FTO: variants seen among roughly 807,000 people sequenced by gnomAD.
The protein encoded by FTO is alpha-ketoglutarate-dependent dioxygenase FTO.
In FTO, 47 loss-of-function variants were observed where a neutral mutation model predicts 63.9. The ratio of observed to expected loss-of-function variants is 0.74; its 90% CI spans 0.58 to 0.94. FTO has a LOEUF of 0.94. Ranked by LOEUF, FTO falls within the 40% of genes least tolerant of loss-of-function variation. The pLI, the probability that FTO is intolerant of heterozygous loss-of-function variation, is 0.00. For missense variants in FTO, 562 were observed against 618.1 expected (o/e 0.91, Z 0.96); for synonymous variants, 207 against 224.4 (o/e 0.92, Z 0.69).
Position 54,112,512 on chromosome 16 carries a change from G to C in FTO, c.*597G>C, listed in dbSNP as rs2665269. 1 of 152,704 alleles carries C rather than the reference G, an allele frequency of 6.5e-6. No homozygotes were observed. The highest frequency in any genetic ancestry group is 6.5e-5 in the Admixed American group (1 of 15,358). 9.5% of individuals were successfully genotyped at this position (152,704 alleles called of 1,614,324 possible). ...ACAGATATGGAACATTTTCATCATC[G>C]AAGAAAGTCCTATTGGACAACACTT... On this transcript the variant is annotated 3_prime_UTR_variant, in exon 9 of 9. Coordinates refer to ENST00000471389, the MANE Select transcript of FTO (RefSeq NM_001080432.3).
rs1303665298 is a variant in FTO, at chr16:54,074,948, G to GTA, written c.1365-36813_1365-36812insAT. On this transcript the variant is annotated intron_variant, in intron 8 of 8. Coordinates refer to ENST00000471389, the MANE Select transcript of FTO (RefSeq NM_001080432.3). Reference sequence around the variant, plus strand: ...TGTGTGTGTGTGTGTGTGTGTGTGTGTGTGTGTAAACTGTTTTAGTTTGAT... The same window carrying GTA: ...TGTGTGTGTGTGTGTGTGTGTGTGTGTATGTGTGTAAACTGTTTTAGTTTGAT... Among the ~76,000 whole-genome samples the GTA allele has an allele frequency of 1.1e-3, 162 of 151,182 alleles. No individual in the cohort carries two copies. In the East Asian group the frequency reaches 0.018, roughly 17 times the overall value.
chr16:54,039,882 T>C (rs1228834568), intron 8 of FTO: 3 of 152,244 alleles, frequency 2.0e-5, no homozygotes, highest in Non-Finnish European at 2.9e-5. Context: ...ATCTGCCTGT[T>C]CTAATTTCAA....
chr16:53,804,708 C>T (rs1343773811), intron 1 of FTO, among the ~76,000 whole-genome samples: 2 of 149,758 alleles, frequency 1.3e-5, no homozygotes, highest in Non-Finnish European at 3.0e-5. Context: ...CTCCATCTGC[C>T]AGGTTCAAGC....
chr16:54,055,210 T>C (rs2085403830), intron 8 of FTO, among the ~76,000 whole-genome samples: 1 of 152,180 alleles, frequency 6.6e-6, no homozygotes, highest in Admixed American at 6.5e-5. Context: ...TCAGTCTTGC[T>C]CTGTTTGGAG....
chr16:53,704,447 A>C (rs976536911), intron 1 of FTO, among the ~76,000 whole-genome samples: 3 of 152,210 alleles, frequency 2.0e-5, no homozygotes, highest in Non-Finnish European at 2.9e-5. Flanking sequence ...AAAAATGAGA[A>C]GCAAGATACC....
At chr16:53,908,859 G>A (rs2081607589) in intron 7 of FTO, among the ~76,000 whole-genome samples, 1 of 152,214 alleles carries the variant, frequency 6.6e-6, no homozygotes, top group Non-Finnish European at 1.5e-5. Context: ...TTGTCCTGAT[G>A]AGAATGTAAA....
chr16:53,864,258 C>G (rs2080248705), intron 4 of FTO, among the ~76,000 whole-genome samples: 1 of 152,130 alleles, frequency 6.6e-6, no homozygotes, highest in Non-Finnish European at 1.5e-5. Flanking sequence ...CCAAGAGTGC[C>G]TTTAGCAAAA....
At chr16:53,917,239 A>G (rs2081892626) in intron 7 of FTO, among the ~76,000 whole-genome samples, 1 of 152,204 alleles carries the variant, frequency 6.6e-6, no homozygotes, top group South Asian at 2.1e-4. Flanking sequence ...TAAAGGGAAT[A>G]CATGAGATGC....
At chr16:53,923,379 T>C (rs945037936) in intron 7 of FTO, among the ~76,000 whole-genome samples, 2 of 152,224 alleles carry the variant, frequency 1.3e-5, no homozygotes, top group African/African-American at 4.8e-5. Context: ...ACTAGCTCTT[T>C]CCTGTACATT....
intron 4 of FTO, among the ~76,000 whole-genome samples, chr16:53,864,917 G>C (rs1181402367): frequency 6.6e-6 from 1 of 152,228 alleles, no homozygotes; most frequent in African/African-American, 2.4e-5. Flanking sequence ...AATTTCAAAA[G>C]AATTGTTTGA....
At chr16:54,014,149 C>T (rs2084385059) in intron 8 of FTO, among the ~76,000 whole-genome samples, 1 of 152,174 alleles carries the variant, frequency 6.6e-6, no homozygotes, top group Non-Finnish European at 1.5e-5. Flanking sequence ...TTGGTTGAAG[C>T]TCTCTGTCTG....
At chr16:53,769,936 G>GA (rs2077294999) in intron 1 of FTO, among the ~76,000 whole-genome samples, 1 of 152,036 alleles carries the variant, frequency 6.6e-6, no homozygotes, top group Admixed American at 6.6e-5. Flanking sequence ...AAGAGCTGCA[G>GA]AAATGTGTTT....
chr16:53,720,844 C>T (rs1043798920), intron 1 of FTO, among the ~76,000 whole-genome samples: 2 of 151,698 alleles, frequency 1.3e-5, no homozygotes, highest in African/African-American at 2.4e-5. Context: ...GGCTGGAGTA[C>T]AGTGGCACAG....
chr16:53,951,283 G>A lies in FTO; in HGVS notation c.1364+17174G>A, dbSNP rs181200127. On this transcript the variant is annotated intron_variant, in intron 8 of 8. Transcript: ENST00000471389. ...TTACTAGGAACTTAGGCTAATAACA[G>A]GGAACTGCTTTCAGTTTTTTAGTGC... Among the ~76,000 whole-genome samples the A allele has an allele frequency of 4.1e-4, 62 of 152,282 alleles. 1 individual carries two copies. The highest frequency in any genetic ancestry group is 1.4e-3 in the African/African-American group (58 of 41,558).
At chr16:53,934,143 T>C in intron 8 of FTO, 34 bp downstream of exon 8, 1 of 1,613,186 alleles carries the variant, frequency 6.2e-7, no homozygotes, top group Non-Finnish European at 8.5e-7. Context: ...TTTGTTGTTC[T>C]TGACAAACAA....
chr16:54,004,795 G>C (rs1221889626), intron 8 of FTO, among the ~76,000 whole-genome samples: 1 of 152,146 alleles, frequency 6.6e-6, no homozygotes, highest in Non-Finnish European at 1.5e-5. Flanking sequence ...GAGTGGCCGG[G>C]CACAGTGGCT....
intron 1 of FTO, among the ~76,000 whole-genome samples, chr16:53,780,302 C>T (rs1040985485): frequency 6.6e-6 from 1 of 152,106 alleles, no homozygotes; most frequent in Non-Finnish European, 1.5e-5. Flanking sequence ...CTGCTTGGGA[C>T]ACTCTCTCCC....
chr16:53,743,819 C>G (rs1338648964), intron 1 of FTO, among the ~76,000 whole-genome samples: 2 of 151,766 alleles, frequency 1.3e-5, no homozygotes, highest in African/African-American at 4.8e-5. Flanking sequence ...AGAGATGAGG[C>G]AATTGAAGCT....
chr16:53,945,761 A>G (rs1477487821), intron 8 of FTO, among the ~76,000 whole-genome samples: 2 of 152,212 alleles, frequency 1.3e-5, no homozygotes, highest in Non-Finnish European at 2.9e-5. Flanking sequence ...TGAAAATTAG[A>G]ACACCAAAGT....
Sources: allele counts gnomAD v4.1 joint callset (sites outside exome capture counted in the v4.1 genomes callset), GRCh38; gene constraint gnomAD v4.1.1; transcripts MANE v1.5; gene names NCBI Gene and HGNC (gene_info 2026-07-23, HGNC 2026-07-21).